CHRM3: variants seen among roughly 807,000 people sequenced by gnomAD.
The protein encoded by CHRM3 is cholinergic receptor muscarinic 3, also known as muscarinic acetylcholine receptor M3.
In CHRM3, 11 loss-of-function variants were observed where a neutral mutation model predicts 41.8. That is an observed-to-expected ratio of 0.26 (90% CI 0.17 to 0.44). The LOEUF (loss-of-function observed/expected upper bound fraction) is 0.44, where lower values mean the gene tolerates loss of function less well. CHRM3 is among the 20% of genes least tolerant of loss of function. The pLI is 1.00. For synonymous variants in CHRM3, 297 were observed against 301.4 expected, an observed-to-expected ratio of 0.99 and a Z score of 0.15; for missense variants, 571 against 745.4, an observed-to-expected ratio of 0.77 and a Z score of 2.72.
intron 1 of CHRM3, among the ~76,000 whole-genome samples, chr1:239,400,721 TG>T (rs1659896078): frequency 6.6e-6 from 1 of 152,212 alleles, no homozygotes; most frequent in African/African-American, 2.4e-5. Flanking sequence ...TTCTTCATTG[TG>T]TGTTTTTGGC....
At chr1:239,488,372 A>T (rs1257147131) in intron 1 of CHRM3, among the ~76,000 whole-genome samples, 2 of 152,154 alleles carry the variant, frequency 1.3e-5, no homozygotes, top group Non-Finnish European at 2.9e-5. Flanking sequence ...TTAATAGAGG[A>T]CCAACTGAAT....
chr1:239,544,743 A>G (rs959033514), intron 2 of CHRM3, among the ~76,000 whole-genome samples: 1 of 152,238 alleles, frequency 6.6e-6, no homozygotes, highest in Non-Finnish European at 1.5e-5. Flanking sequence ...TTGACATACA[A>G]AGACGAGTAG....
intron 1 of CHRM3, among the ~76,000 whole-genome samples, chr1:239,417,015 A>G (rs1349969828): frequency 6.6e-6 from 1 of 152,166 alleles, no homozygotes; most frequent in Non-Finnish European, 1.5e-5. Flanking sequence ...GTAGGATGGA[A>G]AAAAAGGCCT....
At chr1:239,508,148 C>A (rs780804744) in intron 2 of CHRM3, among the ~76,000 whole-genome samples, 2 of 151,972 alleles carry the variant, frequency 1.3e-5, no homozygotes, top group Non-Finnish European at 2.9e-5. Flanking sequence ...CCAAAGAAAA[C>A]AATTAAATTG....
chr1:239,774,995 A>G (rs1478118426), intron 5 of CHRM3, among the ~76,000 whole-genome samples: 2 of 152,290 alleles, frequency 1.3e-5, no homozygotes, highest in Admixed American at 1.3e-4. Flanking sequence ...AGGATGTGAA[A>G]AAAAGAAAAA....
chr1:239,510,399 G>A (rs1223656678), intron 2 of CHRM3, among the ~76,000 whole-genome samples: 2 of 152,100 alleles, frequency 1.3e-5, no homozygotes, highest in Non-Finnish European at 2.9e-5. Flanking sequence ...TTCCTCTTGG[G>A]GTGGGGACAT....
At chr1:239,897,558 T>A (rs1366575407) in intron 6 of CHRM3, among the ~76,000 whole-genome samples, 1 of 152,204 alleles carries the variant, frequency 6.6e-6, no homozygotes, top group African/African-American at 2.4e-5. Flanking sequence ...CACATAATAA[T>A]AAATACCTCT....
intron 5 of CHRM3, among the ~76,000 whole-genome samples, chr1:239,742,427 G>A (rs1047783669): frequency 4.6e-5 from 7 of 152,122 alleles, no homozygotes; most frequent in African/African-American, 1.7e-4. Context: ...TTCACAAGTA[G>A]GGTGGCTAGC....
chr1:239,681,932 G>A (rs939566647), intron 5 of CHRM3, among the ~76,000 whole-genome samples: 8 of 152,170 alleles, frequency 5.3e-5, no homozygotes, highest in African/African-American at 1.9e-4. Flanking sequence ...GAATCAACAT[G>A]TGAGGCATGG....
At position 239,558,530 on chromosome 1, in the gene CHRM3, C is replaced by T. The variant is rs144804315; in HGVS notation, c.-313+12781C>T. Among the ~76,000 whole-genome samples the T allele has an allele frequency of 2.2e-4, 34 of 152,292 alleles. No individual in the cohort carries two copies. The East Asian group carries it at 5.8e-3, about 26-fold the overall frequency. The stretch of plus-strand genomic sequence containing the variant: ...ACACCTTGTGTTTAAAATTGAATCT[C>T]GCATTTCAGCTTAACCTTGACCATA... On this transcript the variant is annotated intron_variant, in intron 3 of 6. Transcript: ENST00000676153.
rs764365595 is a variant in CHRM3 at position 239,911,699 on chromosome 1, C to A, written c.*2475C>A. 1.2e-5 allele frequency: 2 copies of A among 166,956 alleles called. No individual in the cohort carries two copies. The highest frequency in any genetic ancestry group is 2.9e-5 in the Non-Finnish European group (2 of 68,094). 10.3% of individuals were successfully genotyped at this position (166,956 alleles called of 1,614,324 possible). On this transcript the variant is annotated 3_prime_UTR_variant, in exon 7 of 7. Coordinates refer to ENST00000676153, the MANE Select transcript of CHRM3 (RefSeq NM_001375978.1). ...TAATAATAGCAGAAAAGGAACAAAT[C>A]CAAGACTCTAGGTCTCCCTTTTTTG...
rs1680525077 is a variant in CHRM3, at chr1:239,914,238, A to G, written c.*5014A>G. 1.2e-5 allele frequency: 2 copies of G among 167,090 alleles called. No individual in the cohort carries two copies. The highest frequency in any genetic ancestry group is 6.5e-5 in the Admixed American group (1 of 15,286). The allele number at this position is 167,090 out of a possible 1,614,324, so 10.4% of individuals were successfully genotyped here. A position where few individuals can be genotyped will look rare whatever the true frequency, so the allele number is the denominator to read the frequency against. ...AACTCTTTTTATCCTGTATTCTGTG[A>G]GTTCCTTGATGATAGTAATTGGGTC... On this transcript the variant is annotated 3_prime_UTR_variant, in exon 7 of 7. Transcript: ENST00000676153.
chr1:239,896,785 C>T (rs1480256516), intron 6 of CHRM3, among the ~76,000 whole-genome samples: 1 of 152,076 alleles, frequency 6.6e-6, no homozygotes, highest in African/African-American at 2.4e-5. Context: ...GCACATTTTC[C>T]CCAGGTTGTG....
rs1207703752 is a variant in CHRM3 at position 239,911,251 on chromosome 1, AG to A, written c.*2030del. 2 of 163,802 alleles carry A rather than the reference AG, an allele frequency of 1.2e-5. No individual in the cohort carries two copies. The highest frequency in any genetic ancestry group is 2.6e-5 in the African/African-American group (1 of 38,538). 10.1% of individuals were successfully genotyped at this position (163,802 alleles called of 1,614,324 possible). A position where few individuals can be genotyped will look rare whatever the true frequency, so the allele number is the denominator to read the frequency against. On this transcript the variant is annotated 3_prime_UTR_variant, in exon 7 of 7. Coordinates refer to ENST00000676153, the MANE Select transcript of CHRM3 (RefSeq NM_001375978.1). Reference sequence around the variant, plus strand: ...CATTGTGTCTGAAATCATTTTACACAGGGAAAAAAAAAAACAATCAGCATAA... The same window carrying A: ...CATTGTGTCTGAAATCATTTTACACAGGAAAAAAAAAAACAATCAGCATAA...
intron 5 of CHRM3, among the ~76,000 whole-genome samples, chr1:239,793,811 T>TTTTTTTTTTTTTTTTTTTTTG: frequency 7.2e-6 from 1 of 138,172 alleles, no homozygotes; most frequent in African/African-American, 2.8e-5. Context: ...GTATTTTTTT[T>TTTTTTTTTTTTTTTTTTTTTG]TTTTTTTTTT....
intron 1 of CHRM3, among the ~76,000 whole-genome samples, chr1:239,461,614 A>G (rs1665367099): frequency 6.6e-6 from 1 of 151,900 alleles, no homozygotes; most frequent in African/African-American, 2.4e-5. Context: ...GCAAAGAAAA[A>G]AAAATTATCA....
chr1:239,558,276 C>T (rs1660552870), intron 3 of CHRM3, among the ~76,000 whole-genome samples: 1 of 152,056 alleles, frequency 6.6e-6, no homozygotes, highest in African/African-American at 2.4e-5. Context: ...GCATGTATGT[C>T]TTCTTTTGAG....
At chr1:239,478,088 A>G (rs866455056) in intron 1 of CHRM3, among the ~76,000 whole-genome samples, 12 of 152,190 alleles carry the variant, frequency 7.9e-5, no homozygotes, top group South Asian at 4.1e-4. Flanking sequence ...ATCTCCCACA[A>G]TGTGGAAACC....
intron 6 of CHRM3, among the ~76,000 whole-genome samples, chr1:239,845,766 C>G (rs1674212324): frequency 6.6e-6 from 1 of 152,248 alleles, no homozygotes; most frequent in African/African-American, 2.4e-5. Context: ...ATTACAGCCT[C>G]TGGCCTGTTT....
Sources: allele counts gnomAD v4.1 joint callset (sites outside exome capture counted in the v4.1 genomes callset), GRCh38; gene constraint gnomAD v4.1.1; transcripts MANE v1.5; gene names NCBI Gene and HGNC (gene_info 2026-07-23, HGNC 2026-07-21).